LACTB2: variants seen among roughly 807,000 people sequenced by gnomAD.
The protein encoded by LACTB2 is endoribonuclease LACTB2.
LACTB2 carries 32 observed loss-of-function variants against 34.8 expected under a neutral mutation model. The observed-to-expected ratio is 0.92, with a 90% CI of 0.69 to 1.24. LACTB2 has a LOEUF of 1.24. Ranked by LOEUF, LACTB2 falls within the 50% of genes most tolerant of loss-of-function variation. The probability of loss-of-function intolerance (pLI) is 0.00; values close to 1 mark genes in which losing one functional copy is unlikely to be tolerated. For missense variants in LACTB2, 320 were observed against 345.0 expected, an observed-to-expected ratio of 0.93 and a Z score of 0.57; for synonymous variants, 120 against 117.5, an observed-to-expected ratio of 1.02 and a Z score of -0.14.
At chr8:70,648,924 A>C (rs1228268559) in intron 3 of LACTB2, among the ~76,000 whole-genome samples, 1 of 152,128 alleles carries the variant, frequency 6.6e-6, no homozygotes, top group Non-Finnish European at 1.5e-5. Flanking sequence ...AGAAGGGAAA[A>C]AGCAAAAGCC....
chr8:70,650,693 G>A (rs1818327850), intron 3 of LACTB2, among the ~76,000 whole-genome samples: 1 of 126,270 alleles, frequency 7.9e-6, no homozygotes, highest in East Asian at 2.3e-4. Flanking sequence ...CCAACATTGC[G>A]CCACTGCACT....
chr8:70,662,433 C>T (rs1379248484), intron 1 of LACTB2: 6 of 152,184 alleles, frequency 3.9e-5, no homozygotes, highest in Admixed American at 2.0e-4. Context: ...TAGTCTTTGG[C>T]ACTAGATATA....
In LACTB2 at chr8:70,643,996, G is replaced by A. The variant is rs969296589; in HGVS notation, c.592+69C>T. 2.2e-5 allele frequency: 30 copies of A among 1,355,776 alleles called. No individual in the cohort carries two copies. In the South Asian group the frequency reaches 6.1e-4, roughly 28 times the overall value. 84.0% of individuals were successfully genotyped at this position (1,355,776 alleles called of 1,614,324 possible). On this transcript the variant is annotated intron_variant, in intron 4 of 6. Coordinates refer to ENST00000276590, the MANE Select transcript of LACTB2 (RefSeq NM_016027.3). The stretch of plus-strand genomic sequence containing the variant: ...GAGGTCAGGAGTTTGAGAACAGCCT[G>A]GAAAACATAGCAAGACCTTGTCTCT...
rs981801402 is a variant in LACTB2 at position 70,637,749 on chromosome 8, G to A, written c.*111C>T. On this transcript the variant is annotated 3_prime_UTR_variant, in exon 7 of 7. Coordinates refer to ENST00000276590, the MANE Select transcript of LACTB2 (RefSeq NM_016027.3). Reference sequence around the variant, plus strand: ...ATAACATTATTTTAAAGTATATCTAGGGTTATTTTTAATGTTTTATACTTT... The same window carrying A: ...ATAACATTATTTTAAAGTATATCTAAGGTTATTTTTAATGTTTTATACTTT... The A allele has an allele frequency of 3.6e-6, 2 of 549,610 alleles. No individual in the cohort carries two copies. The highest frequency in any genetic ancestry group is 3.9e-5 in the African/African-American group (2 of 50,826). 34.0% of individuals were successfully genotyped at this position (549,610 alleles called of 1,614,324 possible). A position where few individuals can be genotyped will look rare whatever the true frequency, so the allele number is the denominator to read the frequency against.
At chr8:70,651,257 C>G (rs1358963467) in intron 3 of LACTB2, among the ~76,000 whole-genome samples, 1 of 151,932 alleles carries the variant, frequency 6.6e-6, no homozygotes, top group Admixed American at 6.6e-5. Context: ...TTATAGTTTC[C>G]AAGTATATAT....
At chr8:70,650,759 G>GA (rs1165759024) in intron 3 of LACTB2, among the ~76,000 whole-genome samples, 6 of 92,320 alleles carry the variant, frequency 6.5e-5, no homozygotes, top group East Asian at 5.8e-4. Context: ...AAAAAAAAAA[G>GA]AAAAAAAAAG....
chr8:70,641,008 T>A lies in LACTB2; in HGVS notation c.635A>T (p.Gln212Leu), dbSNP rs199556121. The change falls in exon 5 of 7, where the codon CAA becomes CTA. Residue 212 changes from glutamine to leucine, a missense_variant. Transcript: ENST00000276590. Reference protein sequence around the residue: ...VIHNAEAKIQQYISHRNIREQ... With the variant: ...VIHNAEAKIQLYISHRNIREQ... ...TCGAATATTTCTGTGAGAAATGTAT[T>A]GTTGAATTTTAGCTTCAGCATTATG... 38 of 1,606,092 alleles carry A rather than the reference T, an allele frequency of 2.4e-5. No individual in the cohort carries two copies. Among genetic ancestry groups the A allele is most frequent in the Non-Finnish European group, 3.2e-5 (38 of 1,177,884 alleles).
intron 3 of LACTB2, among the ~76,000 whole-genome samples, chr8:70,649,147 T>C (rs1162067564): frequency 1.3e-5 from 2 of 152,184 alleles, no homozygotes; most frequent in Non-Finnish European, 2.9e-5. Context: ...CTCAGAAAGC[T>C]ACTGGAGATG....
chr8:70,645,755 T>C (rs1818256676), intron 3 of LACTB2, among the ~76,000 whole-genome samples: 1 of 151,322 alleles, frequency 6.6e-6, no homozygotes, highest in Non-Finnish European at 1.5e-5. Flanking sequence ...TTTGGTGTTT[T>C]GTCCTTGCGA....
intron 3 of LACTB2, among the ~76,000 whole-genome samples, chr8:70,657,361 T>C (rs1456276756): frequency 2.0e-5 from 3 of 152,144 alleles, no homozygotes; most frequent in Non-Finnish European, 4.4e-5. Flanking sequence ...GCAATGTTTA[T>C]TGGATTTCTT....
intron 3 of LACTB2, among the ~76,000 whole-genome samples, chr8:70,645,587 T>C (rs370121869): frequency 6.6e-6 from 1 of 152,034 alleles, no homozygotes; most frequent in Admixed American, 6.5e-5. Flanking sequence ...GTTGGTGTGC[T>C]GCACCCAGTA....
intron 2 of LACTB2, among the ~76,000 whole-genome samples, chr8:70,658,496 A>T (rs1818441596): frequency 1.3e-5 from 2 of 152,184 alleles, no homozygotes; most frequent in African/African-American, 4.8e-5. Flanking sequence ...GTGATATCAA[A>T]GTTCTTAAAA....
intron 3 of LACTB2, among the ~76,000 whole-genome samples, chr8:70,648,346 T>C (rs1818291343): frequency 6.6e-6 from 1 of 152,106 alleles, no homozygotes; most frequent in Admixed American, 6.5e-5. Flanking sequence ...TGAAGAAAAT[T>C]TCCAAAACAA....
At position 70,657,853 on chromosome 8, in the gene LACTB2, G is replaced by T. The variant is rs770992611; in HGVS notation, c.316C>A (p.Arg106=). 1 of 1,605,458 alleles carries T rather than the reference G, an allele frequency of 6.2e-7. No homozygotes were observed. Among genetic ancestry groups the T allele is most frequent in the Admixed American group, 1.7e-5 (1 of 59,884 alleles). ...ATAATTTCTTCTCTCTGAGGATTCC[G>T]TGGGAGTTTTTTAATGCAATAGGTA... is the stretch of plus-strand genomic sequence containing the variant. The part of the protein sequence containing the change: ...DTTYCIKKLP[R]NPQREEIIGN... The change falls in exon 3 of 7, where the codon CGG becomes AGG. Residue 106 remains arginine (R), a synonymous_variant. Coordinates refer to ENST00000276590, the MANE Select transcript of LACTB2 (RefSeq NM_016027.3).
chr8:70,665,786 T>C (rs1265897807), intron 1 of LACTB2, among the ~76,000 whole-genome samples: 1 of 152,236 alleles, frequency 6.6e-6, no homozygotes, highest in Non-Finnish European at 1.5e-5. Flanking sequence ...GTTTTAATTC[T>C]ATTCCACTTG....
intron 4 of LACTB2, among the ~76,000 whole-genome samples, chr8:70,643,062 G>GTC (rs1818219363): frequency 6.6e-6 from 1 of 152,122 alleles, no homozygotes; most frequent in Non-Finnish European, 1.5e-5. Flanking sequence ...CCATTTCAAT[G>GTC]TAAGTTTATG....
intron 3 of LACTB2, among the ~76,000 whole-genome samples, chr8:70,647,057 C>T (rs936210467): frequency 1.3e-5 from 2 of 152,118 alleles, no homozygotes; most frequent in Non-Finnish European, 2.9e-5. Context: ...AATCCTTACA[C>T]TACTTTGGGT....
At chr8:70,662,336 A>G (rs1461696515) in intron 1 of LACTB2, 1 of 153,806 alleles carries the variant, frequency 6.5e-6, no homozygotes, top group Non-Finnish European at 1.4e-5. Flanking sequence ...GCTTTTATCT[A>G]TCTGCCTTTG....
At chr8:70,666,239 AG>A in intron 1 of LACTB2, among the ~76,000 whole-genome samples, 1 of 152,322 alleles carries the variant, frequency 6.6e-6, no homozygotes, top group South Asian at 2.1e-4. Flanking sequence ...TGGGGTATGA[AG>A]GTGTGGAAAG....
Sources: gnomAD v4.1 joint callset for allele counts (sites outside exome capture counted in the v4.1 genomes callset) on GRCh38, gnomAD v4.1.1 for gene constraint, MANE v1.5 for transcripts, NCBI Gene and HGNC (gene_info 2026-07-23, HGNC 2026-07-21) for gene names.